Variants in CNTNAP5 observed in about 807,000 individuals in gnomAD.
CNTNAP5 encodes contactin associated protein family member 5.
Under a neutral mutation model 150.2 loss-of-function variants are expected in CNTNAP5, and 72 were observed. That is an observed-to-expected ratio of 0.48 (90% CI 0.40 to 0.58). The LOEUF (loss-of-function observed/expected upper bound fraction) is 0.58, where lower values mean the gene tolerates loss of function less well. Among genes scored for constraint, CNTNAP5 ranks in the 20% least tolerant of loss-of-function variants. The pLI is 0.00. For synonymous variants in CNTNAP5, 672 were observed against 619.8 expected (o/e 1.08, Z -1.25); for missense variants, 1,636 against 1,626.2 (o/e 1.01, Z -0.10).
At chr2:124,424,626 G>C (rs1036977878) in intron 4 of CNTNAP5, among the ~76,000 whole-genome samples, 2 of 152,084 alleles carry the variant, frequency 1.3e-5, no homozygotes, top group African/African-American at 4.8e-5. Context: ...TAAAATAAAA[G>C]ACACTGTGAT....
intron 11 of CNTNAP5, among the ~76,000 whole-genome samples, chr2:124,609,438 A>T (rs6750396): frequency 0.49 from 74,179 of 151,404 alleles, 18,547 homozygotes; most frequent in Non-Finnish European, 0.52. Context: ...ACATTTTTTT[A>T]AAAAAATTAG....
At chr2:124,722,744 T>C (rs1680073965) in intron 13 of CNTNAP5, among the ~76,000 whole-genome samples, 1 of 152,190 alleles carries the variant, frequency 6.6e-6, no homozygotes, top group Admixed American at 6.5e-5. Context: ...CCCCTGAGCC[T>C]GTGTCCTCCA....
intron 8 of CNTNAP5, among the ~76,000 whole-genome samples, chr2:124,516,635 G>A (rs891044266): frequency 3.9e-5 from 6 of 152,220 alleles, no homozygotes; most frequent in African/African-American, 1.4e-4. Flanking sequence ...GGTTTGGGCT[G>A]TCTTTTTGCT....
chr2:124,495,309 G>A (rs1331661547), intron 7 of CNTNAP5, among the ~76,000 whole-genome samples: 1 of 152,290 alleles, frequency 6.6e-6, no homozygotes, highest in Admixed American at 6.5e-5. Context: ...AGAAGTGAAA[G>A]TAGAGTGTCA....
At chr2:124,051,588 TG>T (rs138453152) in intron 1 of CNTNAP5, among the ~76,000 whole-genome samples, 2,689 of 152,326 alleles carry the variant, frequency 0.018, 34 homozygotes, top group Non-Finnish European at 0.028. Flanking sequence ...TTATACGCTT[TG>T]TAGCAGAGAA....
chr2:124,103,084 T>TA (rs763207442), intron 1 of CNTNAP5, among the ~76,000 whole-genome samples: 68 of 152,294 alleles, frequency 4.5e-4, no homozygotes, highest in Admixed American at 2.0e-3. Flanking sequence ...TTGATGATCC[T>TA]AACCCGTGTG....
chr2:124,225,798 G>A (rs997414484), intron 2 of CNTNAP5, among the ~76,000 whole-genome samples: 4 of 151,970 alleles, frequency 2.6e-5, no homozygotes, highest in Admixed American at 1.3e-4. Context: ...CCAGTCCCTC[G>A]CAACCACTGT....
At chr2:124,329,203 A>G (rs539269738) in intron 3 of CNTNAP5, among the ~76,000 whole-genome samples, 36 of 152,194 alleles carry the variant, frequency 2.4e-4, no homozygotes, top group Non-Finnish European at 3.7e-4. Context: ...ATTGTGAACA[A>G]AGATTATTTT....
chr2:124,803,292 A>G (rs1462116618), intron 19 of CNTNAP5, among the ~76,000 whole-genome samples: 1 of 152,146 alleles, frequency 6.6e-6, no homozygotes, highest in Non-Finnish European at 1.5e-5. Flanking sequence ...GTCATGAAAG[A>G]TAAATTAGTG....
At chr2:124,853,851 C>G (rs1204958786) in intron 19 of CNTNAP5, among the ~76,000 whole-genome samples, 2 of 152,108 alleles carry the variant, frequency 1.3e-5, no homozygotes, top group Non-Finnish European at 2.9e-5. Flanking sequence ...TTGTTCCCCT[C>G]TTTGTGTCCA....
At chr2:124,243,275 C>A (rs2104769870) in intron 3 of CNTNAP5, among the ~76,000 whole-genome samples, 1 of 152,284 alleles carries the variant, frequency 6.6e-6, no homozygotes, top group African/African-American at 2.4e-5. Context: ...ATAGCATATT[C>A]TTTCCTTTTC....
intron 3 of CNTNAP5, among the ~76,000 whole-genome samples, chr2:124,304,796 C>A (rs1389578922): frequency 1.3e-5 from 2 of 152,126 alleles, no homozygotes; most frequent in South Asian, 4.1e-4. Flanking sequence ...CTAGGTGTTT[C>A]TTTGAAGATG....
chr2:124,909,858 T>C (rs922967749), intron 22 of CNTNAP5, among the ~76,000 whole-genome samples: 1 of 143,498 alleles, frequency 7.0e-6, no homozygotes, highest in Admixed American at 7.0e-5. Context: ...TATATATATA[T>C]GTTCTTCTCC....
At chr2:124,860,425 TTCC>T (rs1300514552) in intron 19 of CNTNAP5, among the ~76,000 whole-genome samples, 5,530 of 140,952 alleles carry the variant, frequency 0.039, 749 homozygotes, top group African/African-American at 0.14. Flanking sequence ...CCTTCCTTCC[TTCC>T]TTCCTTCCTT....
chr2:124,855,742 G>A (rs1677358005), intron 19 of CNTNAP5, among the ~76,000 whole-genome samples: 1 of 151,776 alleles, frequency 6.6e-6, no homozygotes, highest in Admixed American at 6.6e-5. Flanking sequence ...AGGTTTTTGG[G>A]GAACAGTTGG....
intron 13 of CNTNAP5, among the ~76,000 whole-genome samples, chr2:124,682,081 G>T (rs945695963): frequency 6.6e-6 from 1 of 152,084 alleles, no homozygotes; most frequent in African/African-American, 2.4e-5. Flanking sequence ...CTTGTGCAGG[G>T]CCTCAAGGTC....
rs564415883 is a variant in CNTNAP5 at position 124,092,678 on chromosome 2, C to G, written c.82+66946C>G. On this transcript the variant is annotated intron_variant, in intron 1 of 23. Coordinates refer to ENST00000682447, the MANE Select transcript of CNTNAP5 (RefSeq NM_001367498.1). Reference sequence around the variant, plus strand: ...GCCAATTGTAGGAAGTAGTTATTTACCTATTTAAATTCCAAAATGGGCCAT... The same window carrying G: ...GCCAATTGTAGGAAGTAGTTATTTAGCTATTTAAATTCCAAAATGGGCCAT... 7.9e-5 allele frequency among the ~76,000 whole-genome samples: 12 copies of G among 152,230 alleles called. No homozygotes were observed. The South Asian group carries it at 2.5e-3, about 32-fold the overall frequency.
chr2:124,085,722 T>C (rs940921845), intron 1 of CNTNAP5, among the ~76,000 whole-genome samples: 2 of 152,242 alleles, frequency 1.3e-5, no homozygotes, highest in African/African-American at 4.8e-5. Flanking sequence ...ATCAGTTTGA[T>C]GTATTTTTTA....
intron 2 of CNTNAP5, among the ~76,000 whole-genome samples, chr2:124,224,821 T>G (rs1686416835): frequency 6.6e-6 from 1 of 152,134 alleles, no homozygotes; most frequent in South Asian, 2.1e-4. Context: ...AACTTATAAT[T>G]TTTGTTTATA....
Sources: allele counts gnomAD v4.1 joint callset (sites outside exome capture counted in the v4.1 genomes callset), GRCh38; gene constraint gnomAD v4.1.1; transcripts MANE v1.5; gene names NCBI Gene and HGNC (gene_info 2026-07-23, HGNC 2026-07-21).